The following KLF17 variants were observed in gnomAD, a reference collection of about 807,000 sequenced individuals.
KLF17 encodes Krueppel-like factor 17.
A neutral mutation model predicts 34.2 loss-of-function variants in KLF17; 31 were observed. The ratio of observed to expected loss-of-function variants is 0.91; its 90% confidence interval spans 0.68 to 1.22. The LOEUF (loss-of-function observed/expected upper bound fraction) is 1.22. Among genes scored for constraint, KLF17 ranks in the 50% most tolerant of loss-of-function variants. The pLI, the probability that KLF17 is intolerant of heterozygous loss-of-function variation, is 0.00. For missense variants in KLF17, 478 were observed against 505.2 expected, an observed-to-expected ratio of 0.95 and a Z score of 0.52; for synonymous variants, 179 against 186.7, an observed-to-expected ratio of 0.96 and a Z score of 0.34.
chr1:44,127,674 C>CTTTTCTTTCTT (rs774705801), intron 1 of KLF17, among the ~76,000 whole-genome samples: 21 of 42,672 alleles, frequency 4.9e-4, no homozygotes, highest in African/African-American at 1.3e-3. Context: ...TTCTTTCTTT[C>CTTTTCTTTCTT]TTTCTTTCTT....
At chr1:44,075,409 G>A in the KLF17 span, among the ~76,000 whole-genome samples, 7 of 152,220 alleles carry the variant, frequency 4.6e-5, no homozygotes, top group South Asian at 1.5e-3. Flanking sequence ...AATCACAGTT[G>A]AATTTGCTAC....
At chr1:44,110,053 T>C in the KLF17 span, among the ~76,000 whole-genome samples, 4 of 151,986 alleles carry the variant, frequency 2.6e-5, no homozygotes, top group Non-Finnish European at 5.9e-5. Flanking sequence ...ATTACAGGCA[T>C]GTGCCACCAC....
the KLF17 span, among the ~76,000 whole-genome samples, chr1:44,068,022 C>CTT: frequency 6.6e-5 from 10 of 151,374 alleles, no homozygotes; most frequent in African/African-American, 2.4e-4. Flanking sequence ...TTCCTCAGCA[C>CTT]TTTTTTTTTC....
chr1:44,123,316 A>G (rs1411148453), intron 1 of KLF17, among the ~76,000 whole-genome samples: 1 of 152,140 alleles, frequency 6.6e-6, no homozygotes, highest in Non-Finnish European at 1.5e-5. Context: ...CCTGCTTCGT[A>G]GTCTCAAAAT....
intron 1 of KLF17, among the ~76,000 whole-genome samples, chr1:44,119,421 CCA>C (rs1197397221): frequency 2.0e-5 from 3 of 151,056 alleles, no homozygotes; most frequent in Non-Finnish European, 2.9e-5. Flanking sequence ...AAAAAAAACC[CCA>C]AAAATGTTAA....
the KLF17 span, among the ~76,000 whole-genome samples, chr1:44,088,843 T>C: frequency 2.6e-5 from 4 of 152,004 alleles, no homozygotes; most frequent in African/African-American, 9.7e-5. Flanking sequence ...TAGGAGGAGC[T>C]GATTGGAGAA....
chr1:44,073,846 CT>C, the KLF17 span, among the ~76,000 whole-genome samples: 2 of 152,002 alleles, frequency 1.3e-5, no homozygotes, highest in Admixed American at 6.6e-5. Flanking sequence ...CTTTGCTTTA[CT>C]TTTTTTTCTC....
the KLF17 span, among the ~76,000 whole-genome samples, chr1:44,086,406 C>T: frequency 6.6e-6 from 1 of 152,088 alleles, no homozygotes; most frequent in Admixed American, 6.6e-5. Flanking sequence ...GTAGAGGTTG[C>T]GGTGAGCTGA....
At chr1:44,132,775 G>C (rs2088126575) in intron 3 of KLF17, among the ~76,000 whole-genome samples, 2 of 152,284 alleles carry the variant, frequency 1.3e-5, no homozygotes, top group East Asian at 1.9e-4. Flanking sequence ...CAGATATTAA[G>C]TGGCCTATCT....
the KLF17 span, among the ~76,000 whole-genome samples, chr1:44,055,235 A>G: frequency 1.3e-5 from 2 of 151,976 alleles, no homozygotes; most frequent in African/African-American, 2.4e-5. Context: ...TACCATCTCC[A>G]TAGAGGAGTC....
chr1:44,075,997 T>C, the KLF17 span: 6 of 152,244 alleles, frequency 3.9e-5, no homozygotes, highest in African/African-American at 1.4e-4. Context: ...GCACCAATTC[T>C]GTATTCCATC....
At chr1:44,111,839 G>C in the KLF17 span, among the ~76,000 whole-genome samples, 1 of 152,172 alleles carries the variant, frequency 6.6e-6, no homozygotes, top group Non-Finnish European at 1.5e-5. Flanking sequence ...CTTGCAGTGA[G>C]CTGAGATCGC....
At chr1:44,098,706 A>G in the KLF17 span, among the ~76,000 whole-genome samples, 3 of 151,430 alleles carry the variant, frequency 2.0e-5, no homozygotes, top group Non-Finnish European at 4.4e-5. Flanking sequence ...GCCCACCACC[A>G]CGCCTGGCTA....
intron 1 of KLF17, among the ~76,000 whole-genome samples, chr1:44,129,077 T>C: frequency 6.6e-6 from 1 of 152,088 alleles, no homozygotes. Flanking sequence ...GTGTAGGTTA[T>C]GGACTGTTTT....
At chr1:44,122,461 C>A in intron 1 of KLF17, 1 of 1,205,888 alleles carries the variant, frequency 8.3e-7, no homozygotes. Context: ...TTCTTCAATG[C>A]AATGGTTACA....
In KLF17 at chr1:44,129,632, C is replaced by A; in HGVS notation, c.361C>A (p.Gln121Lys). 1 of 1,614,196 alleles carries A rather than the reference C, an allele frequency of 6.2e-7. No homozygotes were observed. The highest frequency in any genetic ancestry group is 8.5e-7 in the Non-Finnish European group (1 of 1,180,034). Residue 121 changes from glutamine (Q) to lysine (K), a missense_variant, in exon 2 of 4, where the codon CAG (glutamine) becomes AAG (lysine). Gln to Lys is a moderately conservative substitution (Grantham distance 53, BLOSUM62 1). Coordinates refer to ENST00000372299, the MANE Select transcript of KLF17 (RefSeq NM_173484.4). ...MIYCQRMSPPQQEMTIFSGPQ... is the reference protein window; with the variant it reads ...MIYCQRMSPPKQEMTIFSGPQ... ...TTACTGTCAGAGAATGTCTCCCCCT[C>A]AGCAAGAGATGACGATTTTCAGTGG...
chr1:44,110,206 C>T, the KLF17 span, among the ~76,000 whole-genome samples: 1 of 152,082 alleles, frequency 6.6e-6, no homozygotes, highest in Non-Finnish European at 1.5e-5. Context: ...TGGGCCTGGC[C>T]TACACTTTCT....
chr1:44,129,008 G>A (rs753570503), intron 1 of KLF17, among the ~76,000 whole-genome samples: 5 of 148,018 alleles, frequency 3.4e-5, no homozygotes, highest in Admixed American at 6.6e-5. Flanking sequence ...GCGAAACTCC[G>A]TCTCAATAAA....
chr1:44,108,616 G>A, the KLF17 span, among the ~76,000 whole-genome samples: 3 of 143,466 alleles, frequency 2.1e-5, no homozygotes, highest in Non-Finnish European at 4.5e-5. Context: ...GTGGGATCTA[G>A]TCTCTGATAG....
Sources: gnomAD v4.1 joint callset for allele counts (sites outside exome capture counted in the v4.1 genomes callset) on GRCh38, gnomAD v4.1.1 for gene constraint, MANE v1.5 for transcripts, NCBI Gene and HGNC (gene_info 2026-07-23, HGNC 2026-07-21) for gene names.